The following TEX36 variants were observed in gnomAD, a reference collection of about 807,000 sequenced individuals.
TEX36 encodes the protein testis-expressed protein 36.
In TEX36, 12 loss-of-function variants were observed where a neutral mutation model predicts 13.6. The ratio of observed to expected loss-of-function variants is 0.88; its 90% CI spans 0.56 to 1.43. The LOEUF (loss-of-function observed/expected upper bound fraction) is 1.43, where lower values mean the gene tolerates loss of function less well. Ranked by LOEUF, TEX36 falls within the 40% of genes most tolerant of loss-of-function variation. TEX36 has a pLI of 0.00. For synonymous variants in TEX36, 93 were observed against 83.0 expected (o/e 1.12, Z -0.65); for missense variants, 224 against 228.3 (o/e 0.98, Z 0.12).
intron 3 of TEX36, among the ~76,000 whole-genome samples, chr10:125,613,830 G>A (rs1322549889): frequency 1.3e-5 from 2 of 152,134 alleles, no homozygotes; most frequent in Admixed American, 6.5e-5. Flanking sequence ...GGTATTTCTA[G>A]TTCTAGATCC....
chr10:125,672,743 A>T (rs1055515440), intron 1 of TEX36, among the ~76,000 whole-genome samples: 9 of 152,158 alleles, frequency 5.9e-5, no homozygotes, highest in African/African-American at 2.2e-4. Flanking sequence ...GTCTCCCACT[A>T]TTATTGTGGG....
Position 125,612,466 on chromosome 10 carries a change from C to A in TEX36, c.265-35592G>T, listed in dbSNP as rs75829190. On this transcript the variant is annotated intron_variant, in intron 3 of 3. Coordinates refer to the TEX36 transcript ENST00000532135. Reference sequence around the variant, plus strand: ...AGGCTTTCTGTTTCTTTCTATCAGCCCCCACCTGTTCTATTTAGCTCAGCT... The same window carrying A: ...AGGCTTTCTGTTTCTTTCTATCAGCACCCACCTGTTCTATTTAGCTCAGCT... Among the ~76,000 whole-genome samples, 1,411 of 152,214 alleles carry A rather than the reference C, an allele frequency of 9.3e-3. 11 individuals are homozygous for A. Among genetic ancestry groups the A allele is most frequent in the Middle Eastern group, 0.034 (10 of 294 alleles).
chr10:125,660,878 G>C (rs761204803), intron 3 of TEX36, 143 bp downstream of exon 3: 4 of 694,370 alleles, frequency 5.8e-6, no homozygotes, highest in African/African-American at 3.6e-5. Context: ...TTTTTAATCT[G>C]TTATGAGTCT....
In TEX36 at chr10:125,679,149, C is replaced by CCCA. The variant is rs1555009072; in HGVS notation, c.51+3789_51+3790insTGG. 1.3e-4 allele frequency among the ~76,000 whole-genome samples: 18 copies of CCCA among 142,842 alleles called. 1 individual carries two copies. The East Asian group carries it at 1.5e-3, about 12-fold the overall frequency. The allele number at this position is 142,842 out of a possible 152,430, so 93.7% of individuals were successfully genotyped here. A position where few individuals can be genotyped will look rare whatever the true frequency, so the allele number is the denominator to read the frequency against. On this transcript the variant is annotated intron_variant, in intron 1 of 3. Coordinates refer to ENST00000368821, the MANE Select transcript of TEX36 (RefSeq NM_001128202.3). ...CTGGCTACAGGAGCACCCCCCCCGC[C>CCCA]CCCGCCAAGCTGACAACTTAGTTCC...
chr10:125,617,543 T>C (rs201678291), downstream of TEX36, among the ~76,000 whole-genome samples: 1 of 151,550 alleles, frequency 6.6e-6, no homozygotes, highest in African/African-American at 2.4e-5. Context: ...CTTTCACTTA[T>C]GAAGCTTAGT....
chr10:125,650,730 T>A (rs1473720840), downstream of TEX36, among the ~76,000 whole-genome samples: 1 of 151,848 alleles, frequency 6.6e-6, no homozygotes, highest in Non-Finnish European at 1.5e-5. Context: ...TTTGAAAAGA[T>A]CAACAAAATT....
At chr10:125,627,739 A>G (rs2133565009) in intron 3 of TEX36, among the ~76,000 whole-genome samples, 1 of 152,352 alleles carries the variant, frequency 6.6e-6, no homozygotes, top group African/African-American at 2.4e-5. Context: ...TTCCTGTTTT[A>G]TCCTTGAGAA....
rs113808825 is a variant in TEX36 at position 125,665,579 on chromosome 10, C to T, written c.52-3602G>A. 7.1e-3 allele frequency among the ~76,000 whole-genome samples: 1,075 copies of T among 152,216 alleles called. 16 individuals are homozygous for T. The highest frequency in any genetic ancestry group is 0.025 in the African/African-American group (1,021 of 41,528). ...GGGTTCTCTATTCTGTTCCATTGGT[C>T]TGTGTGTCTAATTTTATACAAATGC... On this transcript the variant is annotated intron_variant, in intron 1 of 3. Transcript: ENST00000368821.
chr10:125,621,680 A>T (rs1299451835), intron 3 of TEX36: 1 of 455,868 alleles, frequency 2.2e-6, no homozygotes, highest in African/African-American at 2.0e-5. Flanking sequence ...AGCTCAGTTC[A>T]AGTCTGAAAG....
downstream of TEX36, among the ~76,000 whole-genome samples, chr10:125,619,834 C>T (rs151326144): frequency 0.025 from 3,842 of 151,974 alleles, 150 homozygotes; most frequent in African/African-American, 0.075. Flanking sequence ...GGATTACAGG[C>T]GTGAGCCACC....
At chr10:125,674,034 C>G (rs1196640945) in intron 1 of TEX36, among the ~76,000 whole-genome samples, 1 of 152,162 alleles carries the variant, frequency 6.6e-6, no homozygotes, top group Non-Finnish European at 1.5e-5. Flanking sequence ...GTTCTGTTCT[C>G]TCTGTCTCTT....
chr10:125,578,653 G>A (rs1274017764), intron 3 of TEX36, among the ~76,000 whole-genome samples: 2 of 152,092 alleles, frequency 1.3e-5, no homozygotes, highest in Admixed American at 1.3e-4. Context: ...CATCCTGTCT[G>A]TCCGGTCTAT....
intron 3 of TEX36, among the ~76,000 whole-genome samples, chr10:125,629,467 C>T (rs1359080192): frequency 6.6e-6 from 1 of 152,022 alleles, no homozygotes; most frequent in Non-Finnish European, 1.5e-5. Context: ...TCACATATTA[C>T]TTTGTTCATT....
At chr10:125,580,281 T>G (rs1845868173) in intron 3 of TEX36, among the ~76,000 whole-genome samples, 1 of 152,234 alleles carries the variant, frequency 6.6e-6, no homozygotes, top group Admixed American at 6.5e-5. Context: ...AGCAAAAGCG[T>G]GACTCTAACT....
intron 3 of TEX36, among the ~76,000 whole-genome samples, chr10:125,631,658 T>C (rs1846555861): frequency 1.3e-5 from 2 of 152,162 alleles, no homozygotes; most frequent in Admixed American, 6.5e-5. Context: ...GTGAACAGGA[T>C]TTTTTTCTAG....
intron 3 of TEX36, among the ~76,000 whole-genome samples, chr10:125,613,794 C>A (rs1846323287): frequency 6.6e-6 from 1 of 151,974 alleles, no homozygotes; most frequent in South Asian, 2.1e-4. Context: ...GGGTATATAC[C>A]CAGTAATGGG....
At chr10:125,667,462 G>T in intron 1 of TEX36, 1 of 711,600 alleles carries the variant, frequency 1.4e-6, no homozygotes, top group South Asian at 1.4e-5. Context: ...TTTCCATGAC[G>T]GCAAGGGCTG....
intron 3 of TEX36, among the ~76,000 whole-genome samples, chr10:125,587,729 T>C (rs1228875599): frequency 1.4e-5 from 2 of 147,260 alleles, no homozygotes; most frequent in Non-Finnish European, 1.5e-5. Context: ...GAGGTTGCAG[T>C]GAGCCAAGAT....
At chr10:125,635,414 G>A (rs903185237) in intron 3 of TEX36, among the ~76,000 whole-genome samples, 2 of 152,190 alleles carry the variant, frequency 1.3e-5, no homozygotes, top group African/African-American at 4.8e-5. Context: ...ACTTGCCCAA[G>A]GTCACAAAGA....
Sources: allele counts gnomAD v4.1 joint callset (sites outside exome capture counted in the v4.1 genomes callset), GRCh38; gene constraint gnomAD v4.1.1; transcripts MANE v1.5; gene names NCBI Gene and HGNC (gene_info 2026-07-23, HGNC 2026-07-21).